SLC9A2: variants seen among roughly 807,000 people sequenced by gnomAD.
SLC9A2 encodes the protein solute carrier family 9 member A2.
Under a neutral mutation model 71.7 loss-of-function variants are expected in SLC9A2, and 42 were observed. The ratio of observed to expected loss-of-function variants is 0.59; its 90% confidence interval spans 0.46 to 0.76. The LOEUF is 0.76. Among genes scored for constraint, SLC9A2 ranks in the 30% least tolerant of loss-of-function variants. The pLI, the probability that SLC9A2 is intolerant of heterozygous loss-of-function variation, is 0.00. For synonymous variants in SLC9A2, 396 were observed against 392.5 expected (o/e 1.01, Z -0.10); for missense variants, 829 against 1,017.4 (o/e 0.81, Z 2.52).
chr2:102,658,980 C>T (rs1056300580), intron 2 of SLC9A2, among the ~76,000 whole-genome samples: 1 of 152,112 alleles, frequency 6.6e-6, no homozygotes, highest in Non-Finnish European at 1.5e-5. Context: ...GCTCAGGTCT[C>T]TATAACAAAT....
rs397985354 is a variant in SLC9A2, at chr2:102,706,348, GA to G, written c.2068+425del. 4.0e-3 allele frequency among the ~76,000 whole-genome samples: 71 copies of G among 17,706 alleles called. 21 individuals carry two copies. Among genetic ancestry groups the G allele is most frequent in the African/African-American group, 0.015 (62 of 4,226 alleles). 11.6% of individuals were successfully genotyped at this position (17,706 alleles called of 152,430 possible). A position where few individuals can be genotyped will look rare whatever the true frequency, so the allele number is the denominator to read the frequency against. On this transcript the variant is annotated intron_variant, in intron 11 of 11. Coordinates refer to ENST00000233969, the MANE Select transcript of SLC9A2 (RefSeq NM_003048.6). Reference sequence around the variant, plus strand: ...CTCAAAAAAAAAAAAAAAAAAAAAAGAAAAAAAAAAAAAGAATGAGTTCCAA... The same window carrying G: ...CTCAAAAAAAAAAAAAAAAAAAAAAGAAAAAAAAAAAAGAATGAGTTCCAA...
intron 7 of SLC9A2, among the ~76,000 whole-genome samples, chr2:102,698,735 G>A (rs1473056383): frequency 6.6e-6 from 1 of 152,182 alleles, no homozygotes; most frequent in African/African-American, 2.4e-5. Flanking sequence ...AAGCACAAGA[G>A]GTAAGCCTCC....
chr2:102,658,143 A>G, intron 2 of SLC9A2, 116 bp downstream of exon 2: 1 of 713,186 alleles, frequency 1.4e-6, no homozygotes, highest in East Asian at 2.5e-5. Context: ...TGGTTTCATG[A>G]GCAATTGCCC....
intron 1 of SLC9A2, among the ~76,000 whole-genome samples, chr2:102,653,242 C>T (rs1676869552): frequency 6.6e-6 from 1 of 152,188 alleles, no homozygotes; most frequent in Non-Finnish European, 1.5e-5. Context: ...TGCTGTCCTA[C>T]TTTAAGAAAG....
chr2:102,695,211 C>T, intron 7 of SLC9A2, 98 bp downstream of exon 7: 1 of 850,356 alleles, frequency 1.2e-6, no homozygotes, highest in South Asian at 1.6e-5. Context: ...GAAATCTTTC[C>T]TGTGTTGTAC....
chr2:102,680,679 A>G (rs1244779421), intron 3 of SLC9A2, among the ~76,000 whole-genome samples: 1 of 152,202 alleles, frequency 6.6e-6, no homozygotes, highest in East Asian at 1.9e-4. Flanking sequence ...GATGTCCCCA[A>G]AGATGTCCAC....
At chr2:102,700,840 T>A (rs1258469850) in intron 7 of SLC9A2, among the ~76,000 whole-genome samples, 1 of 152,096 alleles carries the variant, frequency 6.6e-6, no homozygotes, top group African/African-American at 2.4e-5. Context: ...TATATACATA[T>A]GTATACATAC....
intron 5 of SLC9A2, among the ~76,000 whole-genome samples, chr2:102,691,614 G>A (rs1196512938): frequency 6.6e-6 from 1 of 152,210 alleles, no homozygotes; most frequent in African/African-American, 2.4e-5. Flanking sequence ...AGCATGATAT[G>A]ACTATTGCAG....
chr2:102,643,820 G>T (rs1676659317), intron 1 of SLC9A2, among the ~76,000 whole-genome samples: 1 of 151,976 alleles, frequency 6.6e-6, no homozygotes, highest in Non-Finnish European at 1.5e-5. Context: ...TCCCAGGCTG[G>T]AGTGCAGTGA....
chr2:102,699,134 G>T (rs1340415847), intron 7 of SLC9A2, among the ~76,000 whole-genome samples: 1 of 152,196 alleles, frequency 6.6e-6, no homozygotes, highest in Non-Finnish European at 1.5e-5. Flanking sequence ...GGGGAGGAAG[G>T]TTGTGTGCAA....
rs1678085020 is a variant in SLC9A2, at chr2:102,710,471, C to G, written c.*1982C>G. 1 of 152,126 alleles carries G rather than the reference C, an allele frequency of 6.6e-6. No homozygotes were observed. The highest frequency in any genetic ancestry group is 6.6e-5 in the Admixed American group (1 of 15,264). The allele number at this position is 152,126 out of a possible 1,614,324, so 9.4% of individuals were successfully genotyped here. On this transcript the variant is annotated 3_prime_UTR_variant, in exon 12 of 12. Coordinates refer to ENST00000233969, the MANE Select transcript of SLC9A2 (RefSeq NM_003048.6). Reference sequence around the variant, plus strand: ...TTATAAAGAGTTTAACTTTCTGGAACTGAAGGAGAAAACATGAAAATGTTT... The same window carrying G: ...TTATAAAGAGTTTAACTTTCTGGAAGTGAAGGAGAAAACATGAAAATGTTT...
chr2:102,665,437 T>C, intron 3 of SLC9A2, 87 bp downstream of exon 3: 4 of 1,313,978 alleles, frequency 3.0e-6, no homozygotes, highest in Non-Finnish European at 4.2e-6. Context: ...TTGAATAAGT[T>C]ATATGAAACA....
At chr2:102,690,116 A>G (rs1677629879) in intron 5 of SLC9A2, among the ~76,000 whole-genome samples, 1 of 152,200 alleles carries the variant, frequency 6.6e-6, no homozygotes, top group South Asian at 2.1e-4. Context: ...GAACCCTGAA[A>G]CATAGCAATA....
At chr2:102,679,594 G>A (rs1457091933) in intron 3 of SLC9A2, among the ~76,000 whole-genome samples, 1 of 151,962 alleles carries the variant, frequency 6.6e-6, no homozygotes, top group Non-Finnish European at 1.5e-5. Flanking sequence ...TAGCCAGGAT[G>A]GTCTTGATCT....
At chr2:102,660,805 G>A (rs992970403) in intron 2 of SLC9A2, among the ~76,000 whole-genome samples, 2 of 152,108 alleles carry the variant, frequency 1.3e-5, no homozygotes, top group African/African-American at 4.8e-5. Flanking sequence ...TTAAAAATAC[G>A]GACCATGATG....
intron 2 of SLC9A2, among the ~76,000 whole-genome samples, chr2:102,660,349 C>T (rs954571770): frequency 1.3e-5 from 2 of 152,176 alleles, no homozygotes; most frequent in African/African-American, 2.4e-5. Context: ...GAACCACTGT[C>T]GTGGTTTCAT....
chr2:102,633,737 T>C (rs79965881), intron 1 of SLC9A2, among the ~76,000 whole-genome samples: 2,132 of 152,250 alleles, frequency 0.014, 54 homozygotes, highest in African/African-American at 0.049. Flanking sequence ...TCATCCATGA[T>C]GCACAGAATA....
At chr2:102,687,939 C>G (rs1421125537) in intron 5 of SLC9A2, among the ~76,000 whole-genome samples, 1 of 151,998 alleles carries the variant, frequency 6.6e-6, no homozygotes, top group Non-Finnish European at 1.5e-5. Flanking sequence ...ACCATCACGC[C>G]CAGCTAATTT....
At chr2:102,686,753 G>C (rs1558720120) in intron 5 of SLC9A2, 1 of 152,750 alleles carries the variant, frequency 6.5e-6, no homozygotes, top group South Asian at 2.1e-4. Context: ...GAATGTCAGA[G>C]AGCTTGTGAG....
Sources: gnomAD v4.1 joint callset for allele counts (sites outside exome capture counted in the v4.1 genomes callset) on GRCh38, gnomAD v4.1.1 for gene constraint, MANE v1.5 for transcripts, NCBI Gene and HGNC (gene_info 2026-07-23, HGNC 2026-07-21) for gene names.